TBC1D22A: variants seen among roughly 807,000 people sequenced by gnomAD.
TBC1D22A encodes TBC1 domain family member 22A.
In TBC1D22A, 38 loss-of-function variants were observed where a neutral mutation model predicts 60.2. That is an observed-to-expected ratio of 0.63 (90% CI 0.49 to 0.83). TBC1D22A has a LOEUF of 0.83. TBC1D22A is among the 40% of genes least tolerant of loss of function. The pLI is 0.00. For synonymous variants in TBC1D22A, 302 were observed against 281.7 expected (o/e 1.07, Z -0.72); for missense variants, 628 against 701.0 (o/e 0.90, Z 1.18).
chr22:47,057,216 G>A (rs1202840276), intron 11 of TBC1D22A, among the ~76,000 whole-genome samples: 8 of 152,194 alleles, frequency 5.3e-5, no homozygotes, highest in Non-Finnish European at 7.4e-5. Flanking sequence ...GGTTGAGGCT[G>A]CCGCAAATGA....
At chr22:46,806,797 G>A (rs1189041931) in intron 4 of TBC1D22A, among the ~76,000 whole-genome samples, 4 of 152,194 alleles carry the variant, frequency 2.6e-5, no homozygotes, top group Non-Finnish European at 5.9e-5. Context: ...GTGAGTGCCT[G>A]TGGCTGGTGG....
Position 47,006,474 on chromosome 22 carries a change from T to C in TBC1D22A, c.1201+8765T>C, listed in dbSNP as rs73486704. ...GGAGGTTGACCGCCCTGTAGTTGGCTGGATCTTGGCGGTGACCCCGGGTGG... is the reference window on the plus strand; with the variant it reads ...GGAGGTTGACCGCCCTGTAGTTGGCCGGATCTTGGCGGTGACCCCGGGTGG... On this transcript the variant is annotated intron_variant, in intron 10 of 12. Coordinates refer to ENST00000337137, the MANE Select transcript of TBC1D22A (RefSeq NM_014346.5). Among the ~76,000 whole-genome samples the C allele has an allele frequency of 5.5e-3, 845 of 152,314 alleles. 9 individuals are homozygous for C. Among genetic ancestry groups the C allele is most frequent in the African/African-American group, 0.019 (805 of 41,578 alleles).
chr22:47,008,678 C>G (rs556775431), intron 10 of TBC1D22A, among the ~76,000 whole-genome samples: 26 of 152,364 alleles, frequency 1.7e-4, no homozygotes, highest in Admixed American at 1.4e-3. Context: ...CAGCCTGTCC[C>G]TGCCCAGGGT....
At chr22:47,074,704 T>A (rs2064133345) in intron 11 of TBC1D22A, among the ~76,000 whole-genome samples, 1 of 152,230 alleles carries the variant, frequency 6.6e-6, no homozygotes, top group Admixed American at 6.5e-5. Flanking sequence ...TTCTGTCGGT[T>A]CTGTGAGGGA....
intron 1 of TBC1D22A, among the ~76,000 whole-genome samples, chr22:46,788,122 G>A (rs2084243903): frequency 6.6e-6 from 1 of 151,870 alleles, no homozygotes; most frequent in Non-Finnish European, 1.5e-5. Flanking sequence ...ATTTTTAGTA[G>A]AGACGGGGTT....
chr22:46,861,928 C>G (rs1333801386), intron 4 of TBC1D22A, among the ~76,000 whole-genome samples: 2 of 152,218 alleles, frequency 1.3e-5, no homozygotes, highest in African/African-American at 4.8e-5. Context: ...GTCCCTGGCC[C>G]TGTTTCTCCC....
intron 8 of TBC1D22A, among the ~76,000 whole-genome samples, chr22:46,939,909 C>T (rs2147933594): frequency 6.6e-6 from 1 of 152,276 alleles, no homozygotes; most frequent in African/African-American, 2.4e-5. Flanking sequence ...CAGATGTGAC[C>T]CAGGCTCAGT....
chr22:46,792,898 C>T lies in TBC1D22A; in HGVS notation c.119+322C>T. ...CCATGCTGGCTTGTCCTTTCCCCTC[C>T]TCCTTCCCGCATTCTCCACCAGCTG... On this transcript the variant is annotated intron_variant, in intron 2 of 12. Coordinates refer to ENST00000337137, the MANE Select transcript of TBC1D22A (RefSeq NM_014346.5). 5.0e-6 allele frequency: 7 copies of T among 1,407,586 alleles called. No individual in the cohort carries two copies. In the South Asian group the frequency reaches 1.1e-4, roughly 22 times the overall value. 87.2% of individuals were successfully genotyped at this position (1,407,586 alleles called of 1,614,324 possible). A position where few individuals can be genotyped will look rare whatever the true frequency, so the allele number is the denominator to read the frequency against.
intron 7 of TBC1D22A, among the ~76,000 whole-genome samples, chr22:46,911,585 T>C (rs975191498): frequency 3.3e-5 from 5 of 152,274 alleles, no homozygotes; most frequent in East Asian, 1.9e-4. Context: ...TGCACATTGC[T>C]TGTGGGACAA....
At position 47,003,525 on chromosome 22, in the gene TBC1D22A, A is replaced by C. The variant is rs527375451; in HGVS notation, c.1201+5816A>C. Among the ~76,000 whole-genome samples, 21 of 148,386 alleles carry C rather than the reference A, an allele frequency of 1.4e-4. No homozygotes were observed. The South Asian group carries it at 3.9e-3, about 27-fold the overall frequency. ...ACACACACCCGCCAGATACATATAC[A>C]CACACCCTACACACACATGCCTGTA... is the stretch of plus-strand genomic sequence containing the variant. On this transcript the variant is annotated intron_variant, in intron 10 of 12. Transcript: ENST00000337137.
chr22:46,799,972 C>T (rs1340058766), intron 4 of TBC1D22A, among the ~76,000 whole-genome samples: 1 of 152,190 alleles, frequency 6.6e-6, no homozygotes, highest in Non-Finnish European at 1.5e-5. Flanking sequence ...TAGAGAGATG[C>T]TCTGGGGTCT....
At chr22:46,885,170 A>G (rs1007155544) in intron 5 of TBC1D22A, among the ~76,000 whole-genome samples, 10 of 151,920 alleles carry the variant, frequency 6.6e-5, no homozygotes, top group Admixed American at 5.2e-4. Context: ...CGGGTGGGAG[A>G]GTGGCTGGGG....
intron 11 of TBC1D22A, among the ~76,000 whole-genome samples, chr22:47,089,359 T>C (rs987788881): frequency 1.3e-5 from 2 of 152,368 alleles, no homozygotes; most frequent in Middle Eastern, 6.8e-3. Flanking sequence ...GGGTCGGTAA[T>C]AAATGAAATG....
At chr22:46,969,213 G>GT (rs1215559112) in intron 8 of TBC1D22A, among the ~76,000 whole-genome samples, 10 of 152,148 alleles carry the variant, frequency 6.6e-5, no homozygotes, top group African/African-American at 1.9e-4. Flanking sequence ...CTTAAACATT[G>GT]TTTTTTTCTG....
chr22:47,142,673 C>A, intron 12 of TBC1D22A, among the ~76,000 whole-genome samples: 1 of 138,446 alleles, frequency 7.2e-6, no homozygotes, highest in African/African-American at 2.8e-5. Context: ...TCTACTCACC[C>A]ACCTATCTAC....
At chr22:47,116,019 T>G (rs1483125164) in intron 12 of TBC1D22A, 1 of 152,284 alleles carries the variant, frequency 6.6e-6, no homozygotes, top group Admixed American at 6.5e-5. Flanking sequence ...CAGTTTGGCT[T>G]CCCAGGGGAC....
intron 8 of TBC1D22A, among the ~76,000 whole-genome samples, chr22:46,954,826 A>T (rs981923488): frequency 2.0e-5 from 3 of 152,226 alleles, no homozygotes; most frequent in African/African-American, 4.8e-5. Flanking sequence ...GTTACAGGCA[A>T]GTGAAGTGGA....
chr22:46,783,341 C>T (rs2084022682), intron 1 of TBC1D22A, among the ~76,000 whole-genome samples: 1 of 152,192 alleles, frequency 6.6e-6, no homozygotes, highest in African/African-American at 2.4e-5. Context: ...AGCAGTGTGC[C>T]CGTGTCCAGG....
intron 4 of TBC1D22A, among the ~76,000 whole-genome samples, chr22:46,854,587 C>T (rs1172945129): frequency 6.6e-6 from 1 of 152,120 alleles, no homozygotes; most frequent in Non-Finnish European, 1.5e-5. Flanking sequence ...ATTCCTTCAG[C>T]CTTTCCTTTC....
Sources: allele counts gnomAD v4.1 joint callset (sites outside exome capture counted in the v4.1 genomes callset), GRCh38; gene constraint gnomAD v4.1.1; transcripts MANE v1.5; gene names NCBI Gene and HGNC (gene_info 2026-07-23, HGNC 2026-07-21).